The following CMSS1 variants were observed in gnomAD, a reference collection of about 807,000 sequenced individuals.
CMSS1 encodes the protein protein CMSS1.
A neutral mutation model predicts 43.5 loss-of-function variants in CMSS1; 33 were observed. That is an observed-to-expected ratio of 0.76 (90% confidence interval 0.57 to 1.01). The LOEUF is 1.01. Ranked by LOEUF, CMSS1 falls within the 50% of genes least tolerant of loss-of-function variation. The pLI, the probability that CMSS1 is intolerant of heterozygous loss-of-function variation, is 0.00. For missense variants in CMSS1, 313 were observed against 326.4 expected (o/e 0.96, Z 0.32); for synonymous variants, 115 against 117.2 (o/e 0.98, Z 0.12).
intron 1 of CMSS1, chr3:99,848,608 G>A (rs1943487195): frequency 6.2e-7 from 1 of 1,614,178 alleles, no homozygotes; most frequent in South Asian, 1.1e-5. Flanking sequence ...ACTGATTTCT[G>A]TTGGTTCTGG....
rs368532301 is a variant in CMSS1 at position 99,976,636 on chromosome 3, C to T, written c.64+158593C>T. ...TTTTATCTTTGTTCCTCTGCATATG[C>T]ATCTTTTTTTTAAACTGTTTACCTT... On this transcript the variant is annotated intron_variant, in intron 1 of 9. Transcript: ENST00000421999. Among the ~76,000 whole-genome samples, 98 of 152,228 alleles carry T rather than the reference C, an allele frequency of 6.4e-4. 1 individual carries two copies. In the South Asian group the frequency reaches 0.02, roughly 31 times the overall value.
chr3:99,924,859 C>T (rs1333595127), intron 1 of CMSS1, among the ~76,000 whole-genome samples: 1 of 152,156 alleles, frequency 6.6e-6, no homozygotes, highest in African/African-American at 2.4e-5. Flanking sequence ...AGTGTTTATT[C>T]TCTTGTTAAT....
intron 1 of CMSS1, among the ~76,000 whole-genome samples, chr3:99,914,683 C>T (rs955772117): frequency 6.6e-6 from 1 of 152,146 alleles, no homozygotes; most frequent in Non-Finnish European, 1.5e-5. Context: ...TAAATAGGTT[C>T]ATAACTTTTG....
intron 1 of CMSS1, among the ~76,000 whole-genome samples, chr3:100,085,768 C>T (rs1328667532): frequency 6.6e-6 from 1 of 152,190 alleles, no homozygotes; most frequent in Admixed American, 6.5e-5. Flanking sequence ...ATGATGACCC[C>T]CTCCTAAGTG....
chr3:100,005,038 G>T (rs1449540959), intron 1 of CMSS1, among the ~76,000 whole-genome samples: 1 of 152,156 alleles, frequency 6.6e-6, no homozygotes, highest in Non-Finnish European at 1.5e-5. Flanking sequence ...TGGGAAAAGG[G>T]GTGCCAGAAT....
chr3:99,913,481 A>C (rs1322032011), intron 1 of CMSS1, among the ~76,000 whole-genome samples: 1 of 152,260 alleles, frequency 6.6e-6, no homozygotes, highest in African/African-American at 2.4e-5. Flanking sequence ...GTTACTGAGA[A>C]TCAATTAACC....
At position 99,822,352 on chromosome 3, in the gene CMSS1, G is replaced by C. The variant is rs1271634380; in HGVS notation, c.64+4309G>C. Among the ~76,000 whole-genome samples, 10 of 152,288 alleles carry C rather than the reference G, an allele frequency of 6.6e-5. No individual in the cohort carries two copies. In the South Asian group the frequency reaches 1.0e-3, roughly 16 times the overall value. ...CCTCCCCAACTCATTCTGAATCTTT[G>C]ATGACATCTCTTCCCAAGCACCTAA... On this transcript the variant is annotated intron_variant, in intron 1 of 9. Transcript: ENST00000421999.
In CMSS1 at chr3:99,854,318, C is replaced by G. The variant is rs539480141; in HGVS notation, c.64+36275C>G. On this transcript the variant is annotated intron_variant, in intron 1 of 9. Transcript: ENST00000421999. The stretch of plus-strand genomic sequence containing the variant: ...TTAGCATTGATACTTGCATTATATG[C>G]TAATGCAGGTTATCATGAACTCTCG... Among the ~76,000 whole-genome samples, 8 of 152,248 alleles carry G rather than the reference C, an allele frequency of 5.3e-5. No homozygotes were observed. In the South Asian group the frequency reaches 1.5e-3, roughly 28 times the overall value.
intron 1 of CMSS1, among the ~76,000 whole-genome samples, chr3:99,906,101 G>A (rs1254401022): frequency 3.9e-5 from 6 of 152,146 alleles, no homozygotes; most frequent in African/African-American, 1.4e-4. Context: ...GGCTGAGGTG[G>A]GAGGATCGCT....
chr3:99,937,325 C>G (rs1707711069), intron 1 of CMSS1, among the ~76,000 whole-genome samples: 1 of 152,220 alleles, frequency 6.6e-6, no homozygotes, highest in Non-Finnish European at 1.5e-5. Flanking sequence ...CATAAATTCA[C>G]AAACCCCTAG....
At chr3:99,884,581 C>T (rs1237458204) in intron 1 of CMSS1, among the ~76,000 whole-genome samples, 1 of 152,194 alleles carries the variant, frequency 6.6e-6, no homozygotes, top group African/African-American at 2.4e-5. Flanking sequence ...TTCCTTCCCA[C>T]TTTATGGGAT....
intron 1 of CMSS1, among the ~76,000 whole-genome samples, chr3:99,952,563 T>C (rs1422567481): frequency 6.6e-6 from 1 of 152,194 alleles, no homozygotes; most frequent in East Asian, 1.9e-4. Flanking sequence ...TCTCAGTTTA[T>C]TAAACTTCTG....
intron 1 of CMSS1, among the ~76,000 whole-genome samples, chr3:100,133,959 G>A (rs1045640526): frequency 6.6e-5 from 10 of 152,186 alleles, no homozygotes; most frequent in Non-Finnish European, 1.5e-4. Flanking sequence ...GATACATTAT[G>A]TATTAATAGT....
At chr3:100,075,214 G>T (rs1323410875) in intron 1 of CMSS1, among the ~76,000 whole-genome samples, 3 of 152,156 alleles carry the variant, frequency 2.0e-5, no homozygotes, top group African/African-American at 4.8e-5. Flanking sequence ...GTCAGCTTTT[G>T]CTAAAAGAAG....
chr3:99,887,779 G>T (rs867009213), intron 1 of CMSS1, among the ~76,000 whole-genome samples: 3 of 152,294 alleles, frequency 2.0e-5, no homozygotes, highest in African/African-American at 7.2e-5. Context: ...CTGTCACCCA[G>T]GCTGGAGTGC....
Position 99,849,487 on chromosome 3 carries a change from A to C in CMSS1, c.64+31444A>C, listed in dbSNP as rs763793326. 8.7e-6 allele frequency: 14 copies of C among 1,613,352 alleles called. No individual in the cohort carries two copies. The African/African-American group carries it at 1.2e-4, about 14-fold the overall frequency. On this transcript the variant is annotated intron_variant, in intron 1 of 9. Transcript: ENST00000421999. ...GTGACATATTAGGTCTTCAGTTGCC[A>C]TGTATTCATGAATTTTCTCTTTTAA...
chr3:100,006,067 T>C (rs556525959), intron 1 of CMSS1, among the ~76,000 whole-genome samples: 1 of 152,292 alleles, frequency 6.6e-6, no homozygotes, highest in African/African-American at 2.4e-5. Context: ...TGGAAAGCCC[T>C]AAAGCATTAG....
At chr3:100,084,034 AAATAAT>A (rs1249862592) in intron 1 of CMSS1, among the ~76,000 whole-genome samples, 1 of 152,154 alleles carries the variant, frequency 6.6e-6, no homozygotes, top group African/African-American at 2.4e-5. Flanking sequence ...TCCTTTCATA[AAATAAT>A]AATAATGCTT....
At chr3:99,884,353 A>G (rs1305095954) in intron 1 of CMSS1, among the ~76,000 whole-genome samples, 2 of 152,124 alleles carry the variant, frequency 1.3e-5, no homozygotes, top group Admixed American at 1.3e-4. Flanking sequence ...TTAAAATCCT[A>G]CCACACCATG....
Sources: gnomAD v4.1 joint callset for allele counts (sites outside exome capture counted in the v4.1 genomes callset) on GRCh38, gnomAD v4.1.1 for gene constraint, MANE v1.5 for transcripts, NCBI Gene and HGNC (gene_info 2026-07-23, HGNC 2026-07-21) for gene names.